STK32B: variants seen among roughly 807,000 people sequenced by gnomAD.
STK32B encodes the protein serine/threonine kinase 32B, also known as serine/threonine-protein kinase 32B.
In STK32B, 43 loss-of-function variants were observed where a neutral mutation model predicts 52.6. The ratio of observed to expected loss-of-function variants is 0.82; its 90% CI spans 0.64 to 1.05. The LOEUF (loss-of-function observed/expected upper bound fraction) is 1.05. Among genes scored for constraint, STK32B ranks in the 50% least tolerant of loss-of-function variants. The pLI, the probability that STK32B is intolerant of heterozygous loss-of-function variation, is 0.00. For missense variants in STK32B, 621 were observed against 534.6 expected (o/e 1.16, Z -1.59); for synonymous variants, 238 against 204.3 (o/e 1.17, Z -1.41).
chr4:5,295,342 G>T (rs1478050086), intron 3 of STK32B, among the ~76,000 whole-genome samples: 1 of 152,138 alleles, frequency 6.6e-6, no homozygotes, highest in Non-Finnish European at 1.5e-5. Flanking sequence ...AGTTTCAGAA[G>T]GAATGGTACC....
At chr4:5,041,301 C>G in the STK32B span, among the ~76,000 whole-genome samples, 1 of 151,466 alleles carries the variant, frequency 6.6e-6, no homozygotes, top group Non-Finnish European at 1.5e-5. Context: ...TCAGAGTGTT[C>G]ATGACGACTC....
intron 3 of STK32B, among the ~76,000 whole-genome samples, chr4:5,261,377 G>C (rs190645302): frequency 8.9e-4 from 135 of 152,310 alleles, no homozygotes; most frequent in African/African-American, 2.9e-3. Context: ...ATACCTGTTA[G>C]GAAGCTATTG....
At chr4:5,072,791 G>T (rs1419934502) in intron 1 of STK32B, among the ~76,000 whole-genome samples, 1 of 151,924 alleles carries the variant, frequency 6.6e-6, no homozygotes, top group African/African-American at 2.4e-5. Context: ...TTTTTAAAAA[G>T]ATAATTACTG....
chr4:5,156,036 A>C (rs1232827059), intron 2 of STK32B, among the ~76,000 whole-genome samples: 1 of 152,000 alleles, frequency 6.6e-6, no homozygotes, highest in Non-Finnish European at 1.5e-5. Flanking sequence ...ATACCTATAG[A>C]TCCACCACAA....
intron 6 of STK32B, chr4:5,436,767 C>G (rs1315385629): frequency 2.7e-5 from 21 of 768,894 alleles, no homozygotes; most frequent in Non-Finnish European, 3.3e-5. Flanking sequence ...GAATTCTAGA[C>G]TTGACCTCAG....
chr4:5,274,088 T>C (rs1293088887), intron 3 of STK32B, among the ~76,000 whole-genome samples: 1 of 152,030 alleles, frequency 6.6e-6, no homozygotes, highest in Non-Finnish European at 1.5e-5. Context: ...TTCCACACAA[T>C]CTCAATCAAA....
chr4:5,383,499 C>T (rs561461064), intron 4 of STK32B, among the ~76,000 whole-genome samples: 3 of 152,310 alleles, frequency 2.0e-5, no homozygotes, highest in South Asian at 4.1e-4. Flanking sequence ...TCGTAGCATC[C>T]CATTGTGAGC....
Position 5,500,213 on chromosome 4 carries a change from T to TACTA in STK32B, c.*1138_*1141dup, listed in dbSNP as rs61495531. On this transcript the variant is annotated 3_prime_UTR_variant, in exon 12 of 12. Coordinates refer to ENST00000282908, the MANE Select transcript of STK32B (RefSeq NM_018401.3). ...GTGTTCAGAATCCAGCCCTGCTGGC[T>TACTA]ACTAACTAACTGGGAGACCTTAGGC... 0.12 allele frequency: 17,622 copies of TACTA among 152,128 alleles called. 1,281 individuals are homozygous for TACTA. The highest frequency in any genetic ancestry group is 0.22 in the African/African-American group (9,069 of 41,442). 9.4% of individuals were successfully genotyped at this position (152,128 alleles called of 1,614,324 possible).
Position 5,140,117 on chromosome 4 carries a change from G to A in STK32B, c.108+157G>A, listed in dbSNP as rs916192485. ...AAGGAAGTCTGAATAGTTTCCTTGCGATCTGGTGTAATTTTCTTCTGGAAA... is the reference window on the plus strand; with the variant it reads ...AAGGAAGTCTGAATAGTTTCCTTGCAATCTGGTGTAATTTTCTTCTGGAAA... On this transcript the variant is annotated intron_variant, in intron 2 of 11. Transcript: ENST00000282908. 1.5e-4 allele frequency: 210 copies of A among 1,395,702 alleles called. 2 individuals are homozygous for A. Among genetic ancestry groups the A allele is most frequent in the South Asian group, 2.3e-4 (19 of 82,934 alleles). 86.5% of individuals were successfully genotyped at this position (1,395,702 alleles called of 1,614,324 possible). A position where few individuals can be genotyped will look rare whatever the true frequency, so the allele number is the denominator to read the frequency against.
chr4:5,416,794 C>A, intron 5 of STK32B, 51 bp from the exon 6 acceptor site: 1 of 1,550,410 alleles, frequency 6.4e-7, no homozygotes, highest in Non-Finnish European at 8.8e-7. Flanking sequence ...TTTAAATAAC[C>A]CAGCTGCCTG....
intron 2 of STK32B, among the ~76,000 whole-genome samples, chr4:5,155,621 C>G (rs555676416): frequency 1.3e-5 from 2 of 152,106 alleles, no homozygotes; most frequent in African/African-American, 4.8e-5. Context: ...TGGGAGGTGA[C>G]TGGTTCCTGG....
chr4:5,461,581 T>C (rs562415384), intron 9 of STK32B, among the ~76,000 whole-genome samples: 2 of 152,324 alleles, frequency 1.3e-5, no homozygotes, highest in East Asian at 3.9e-4. Context: ...CAAGCCTGGC[T>C]GATGCTCATC....
the STK32B span, among the ~76,000 whole-genome samples, chr4:5,040,787 A>T: frequency 2.6e-3 from 394 of 152,222 alleles, no homozygotes; most frequent in Non-Finnish European, 5.0e-3. Context: ...ATGGTCTGAG[A>T]TATGCGTTGT....
chr4:5,481,295 T>C (rs1481944026), intron 11 of STK32B, among the ~76,000 whole-genome samples: 2 of 152,242 alleles, frequency 1.3e-5, no homozygotes, highest in Admixed American at 1.3e-4. Flanking sequence ...TGAGATGGTA[T>C]CTCATTGTGG....
At chr4:5,289,912 G>A (rs1011706661) in intron 3 of STK32B, among the ~76,000 whole-genome samples, 5 of 151,736 alleles carry the variant, frequency 3.3e-5, no homozygotes, top group Non-Finnish European at 5.9e-5. Flanking sequence ...TGTTATATAG[G>A]TAAATTGTGT....
intron 5 of STK32B, among the ~76,000 whole-genome samples, chr4:5,406,198 C>T (rs779139912): frequency 1.3e-5 from 2 of 152,162 alleles, no homozygotes; most frequent in Non-Finnish European, 2.9e-5. Context: ...ATCTTTGACT[C>T]CATATCTCAC....
rs754199241 is a variant in STK32B, at chr4:5,357,018, T to TACACACAC, written c.434+25626_434+25627insCACACACA. ...TCTCTCTCATATGTGTATATATATA[T>TACACACAC]ATATACACACACACACACACACATA... On this transcript the variant is annotated intron_variant, in intron 4 of 11. Transcript: ENST00000282908. Among the ~76,000 whole-genome samples the TACACACAC allele has an allele frequency of 3.3e-4, 49 of 150,490 alleles. No homozygotes were observed. The East Asian group carries it at 8.2e-3, about 25-fold the overall frequency.
intron 3 of STK32B, among the ~76,000 whole-genome samples, chr4:5,188,861 CAG>C (rs1357266846): frequency 5.0e-4 from 62 of 124,572 alleles, no homozygotes; most frequent in African/African-American, 1.8e-3. Flanking sequence ...TGGGGCCTGT[CAG>C]GGGGTGGGGG....
intron 11 of STK32B, among the ~76,000 whole-genome samples, chr4:5,480,291 T>A (rs983301338): frequency 1.3e-5 from 2 of 152,186 alleles, no homozygotes; most frequent in Non-Finnish European, 2.9e-5. Context: ...CCGTGGCCCA[T>A]GACACAGCCC....
Sources: gnomAD v4.1 joint callset for allele counts (sites outside exome capture counted in the v4.1 genomes callset) on GRCh38, gnomAD v4.1.1 for gene constraint, MANE v1.5 for transcripts, NCBI Gene and HGNC (gene_info 2026-07-23, HGNC 2026-07-21) for gene names.